MICAL2: variants seen among roughly 807,000 people sequenced by gnomAD.
MICAL2 encodes microtubule associated monooxygenase, calponin and LIM domain containing 2, also known as [F-actin]-monooxygenase MICAL2.
MICAL2 carries 77 observed loss-of-function variants against 127.3 expected under a neutral mutation model. That is an observed-to-expected ratio of 0.60 (90% CI 0.50 to 0.73). MICAL2 has a LOEUF of 0.73. MICAL2 is among the 30% of genes least tolerant of loss of function. The probability of loss-of-function intolerance (pLI) is 0.00; values close to 1 mark genes in which losing one functional copy is unlikely to be tolerated. For synonymous variants in MICAL2, 570 were observed against 551.1 expected (o/e 1.03, Z -0.48); for missense variants, 1,351 against 1,434.4 (o/e 0.94, Z 0.94).
At chr11:12,222,043 G>A (rs748751391) in intron 10 of MICAL2, among the ~76,000 whole-genome samples, 2 of 152,136 alleles carry the variant, frequency 1.3e-5, no homozygotes, top group Admixed American at 6.5e-5. Flanking sequence ...CCCCAGCATT[G>A]CTCATTCACC....
At chr11:12,344,356 T>A (rs1314948817) in intron 32 of MICAL2, among the ~76,000 whole-genome samples, 1 of 151,654 alleles carries the variant, frequency 6.6e-6, no homozygotes, top group Non-Finnish European at 1.5e-5. Context: ...ATGACCTCAG[T>A]CTTTGAAAAC....
chr11:12,339,548 C>T (rs1416252843), intron 32 of MICAL2, among the ~76,000 whole-genome samples: 3 of 152,172 alleles, frequency 2.0e-5, no homozygotes, highest in Non-Finnish European at 4.4e-5. Context: ...TCCAGTTTTT[C>T]TGCTCTGTTT....
intron 2 of MICAL2, chr11:12,287,033 T>C: frequency 2.5e-6 from 1 of 398,928 alleles, no homozygotes; most frequent in Non-Finnish European, 4.4e-6. Flanking sequence ...ACTCTACACA[T>C]TTAATGGACT....
chr11:12,228,176 A>G (rs1857720626), intron 15 of MICAL2, among the ~76,000 whole-genome samples: 1 of 152,170 alleles, frequency 6.6e-6, no homozygotes, highest in African/African-American at 2.4e-5. Flanking sequence ...TAAAAATACA[A>G]AAAATTAGCC....
chr11:12,222,775 ACT>A, intron 11 of MICAL2, 32 bp downstream of exon 11: 1 of 1,613,206 alleles, frequency 6.2e-7, no homozygotes, highest in Non-Finnish European at 8.5e-7. Context: ...TGTCTGAATC[ACT>A]CTGCACTGAA....
downstream of MICAL2, among the ~76,000 whole-genome samples, chr11:12,361,472 C>T (rs896566958): frequency 2.0e-5 from 3 of 152,242 alleles, no homozygotes; most frequent in South Asian, 2.1e-4. Flanking sequence ...ATTCTACTCA[C>T]GTTTATCTCA....
intron 33 of MICAL2, among the ~76,000 whole-genome samples, chr11:12,354,472 C>CA (rs11296730): frequency 0.026 from 3,512 of 133,764 alleles, 135 homozygotes; most frequent in African/African-American, 0.085. Context: ...ACTCTGTCTC[C>CA]AAAAAAAAAA....
chr11:12,144,986 C>A (rs1852741732), intron 2 of MICAL2, among the ~76,000 whole-genome samples: 1 of 152,178 alleles, frequency 6.6e-6, no homozygotes, highest in South Asian at 2.1e-4. Context: ...GTCTGAAATG[C>A]CTCCTGATAG....
chr11:12,352,642 T>C (rs16911159), intron 33 of MICAL2, among the ~76,000 whole-genome samples: 7,802 of 152,324 alleles, frequency 0.051, 500 homozygotes, highest in African/African-American at 0.13. Flanking sequence ...AAATGTCTTA[T>C]TGGTATCTTG....
At chr11:12,225,153 A>G (rs1358195875) in intron 13 of MICAL2, among the ~76,000 whole-genome samples, 2 of 150,484 alleles carry the variant, frequency 1.3e-5, no homozygotes, top group African/African-American at 4.9e-5. Context: ...AGAGAGGAGT[A>G]TGGGCCAGAC....
intron 6 of MICAL2, among the ~76,000 whole-genome samples, chr11:12,210,410 G>A (rs554637120): frequency 5.9e-5 from 9 of 152,300 alleles, no homozygotes; most frequent in African/African-American, 1.7e-4. Flanking sequence ...GGCTGCAGAT[G>A]CCTGACTGAG....
intron 2 of MICAL2, chr11:12,161,550 G>C (rs774127836): frequency 5.2e-5 from 8 of 153,066 alleles, no homozygotes; most frequent in Non-Finnish European, 8.7e-5. Flanking sequence ...ATGAAGAAAG[G>C]CTTTAAAGCT....
chr11:12,168,172 ATG>A (rs1855752062), intron 3 of MICAL2, among the ~76,000 whole-genome samples: 2 of 150,522 alleles, frequency 1.3e-5, no homozygotes, highest in African/African-American at 2.5e-5. Context: ...ACACACACTT[ATG>A]CACACATACA....
chr11:12,255,812 A>C, intron 23 of MICAL2, 62 bp downstream of exon 23: 1 of 1,376,504 alleles, frequency 7.3e-7, no homozygotes, highest in Non-Finnish European at 1.0e-6. Context: ...CAGGGCGGGC[A>C]CATGGGATGT....
intron 3 of MICAL2, among the ~76,000 whole-genome samples, chr11:12,199,924 C>T (rs1860469299): frequency 6.6e-6 from 1 of 152,190 alleles, no homozygotes. Flanking sequence ...ATGCTGACAT[C>T]CATGATGCTG....
At chr11:12,207,851 A>T in intron 4 of MICAL2, 172 bp from the exon 5 acceptor site, 1 of 614,020 alleles carries the variant, frequency 1.6e-6, no homozygotes, top group Non-Finnish European at 2.9e-6. Flanking sequence ...CCACTGTAAG[A>T]GTTAGATGAG....
intron 30 of MICAL2, among the ~76,000 whole-genome samples, chr11:12,320,290 G>A (rs914098972): frequency 1.3e-5 from 2 of 152,160 alleles, no homozygotes; most frequent in African/African-American, 4.8e-5. Flanking sequence ...GCTGTGGAAG[G>A]GACAAGCCCC....
intron 24 of MICAL2, among the ~76,000 whole-genome samples, chr11:12,269,800 G>A (rs926582909): frequency 6.6e-6 from 1 of 152,236 alleles, no homozygotes; most frequent in African/African-American, 2.4e-5. Context: ...CGCCTGGCTT[G>A]TGGGCAGTGG....
chr11:12,345,131 A>AAAAAAAAAAAAAAAAAAAAAAG (rs1427548449), intron 32 of MICAL2, among the ~76,000 whole-genome samples: 1 of 151,020 alleles, frequency 6.6e-6, no homozygotes, highest in Non-Finnish European at 1.5e-5. Context: ...AAAAAAAGAA[A>AAAAAAAAAAAAAAAAAAAAAAG]AAAGAAAGAA....
Sources: gnomAD v4.1 joint callset for allele counts (sites outside exome capture counted in the v4.1 genomes callset) on GRCh38, gnomAD v4.1.1 for gene constraint, MANE v1.5 for transcripts, NCBI Gene and HGNC (gene_info 2026-07-23, HGNC 2026-07-21) for gene names.